Variants in LHFPL3 observed in about 807,000 individuals in gnomAD.
The protein encoded by LHFPL3 is LHFPL tetraspan subfamily member 3, also known as LHFPL tetraspan subfamily member 3 protein.
Under a neutral mutation model 19.3 loss-of-function variants are expected in LHFPL3, and 5 were observed. The observed-to-expected ratio is 0.26, with a 90% CI of 0.14 to 0.54. The LOEUF (loss-of-function observed/expected upper bound fraction) is 0.54, where lower values mean the gene tolerates loss of function less well. LHFPL3 is among the 20% of genes least tolerant of loss of function. LHFPL3 has a pLI of 0.94. For missense variants in LHFPL3, 249 were observed against 307.4 expected, an observed-to-expected ratio of 0.81 and a Z score of 1.42; for synonymous variants, 133 against 126.2, an observed-to-expected ratio of 1.05 and a Z score of -0.36.
chr7:104,495,397 T>G (rs1793443812), intron 1 of LHFPL3, among the ~76,000 whole-genome samples: 1 of 152,150 alleles, frequency 6.6e-6, no homozygotes, highest in Admixed American at 6.6e-5. Context: ...TTTTTTTTCT[T>G]TTTTGAGACG....
chr7:104,908,485 T>C lies in LHFPL3; in HGVS notation c.*2270T>C, dbSNP rs981217218. On this transcript the variant is annotated 3_prime_UTR_variant, in exon 3 of 3. Coordinates refer to ENST00000424859, the MANE Select transcript of LHFPL3 (RefSeq NM_199000.3). Reference sequence around the variant, plus strand: ...TGTAATTTTTTTAAGGTCCAAGAAATGTAAAGAAATTTGTTGGAATACCTG... The same window carrying C: ...TGTAATTTTTTTAAGGTCCAAGAAACGTAAAGAAATTTGTTGGAATACCTG... 1.6e-4 allele frequency among the ~76,000 whole-genome samples: 24 copies of C among 152,130 alleles called. No homozygotes were observed. The highest frequency in any genetic ancestry group is 5.6e-4 in the African/African-American group (23 of 41,432).
At chr7:104,338,210 T>C (rs1391023102) in intron 1 of LHFPL3, among the ~76,000 whole-genome samples, 2 of 146,140 alleles carry the variant, frequency 1.4e-5, no homozygotes, top group Non-Finnish European at 3.0e-5. Flanking sequence ...ACCATTCTCC[T>C]GCCTTAGCCT....
intron 2 of LHFPL3, among the ~76,000 whole-genome samples, chr7:104,869,500 T>A (rs1388177464): frequency 6.6e-6 from 1 of 152,102 alleles, no homozygotes; most frequent in Non-Finnish European, 1.5e-5. Flanking sequence ...ATGCTCATCA[T>A]CACTGGCCAT....
At chr7:104,393,732 T>G (rs1483992978) in intron 1 of LHFPL3, among the ~76,000 whole-genome samples, 1 of 151,874 alleles carries the variant, frequency 6.6e-6, no homozygotes, top group Non-Finnish European at 1.5e-5. Context: ...AGAAAAAAAA[T>G]CATATATTCA....
intron 1 of LHFPL3, among the ~76,000 whole-genome samples, chr7:104,605,783 C>T (rs2115722639): frequency 6.6e-6 from 1 of 151,298 alleles, no homozygotes; most frequent in East Asian, 1.9e-4. Context: ...GTTGATGCAA[C>T]TGCAGGAAAA....
chr7:104,508,328 A>T (rs1793741125), intron 1 of LHFPL3, among the ~76,000 whole-genome samples: 1 of 151,656 alleles, frequency 6.6e-6, no homozygotes, highest in Non-Finnish European at 1.5e-5. Context: ...ATGAAATTGG[A>T]AATCATCATT....
chr7:104,369,410 T>G (rs1174646084), intron 1 of LHFPL3, among the ~76,000 whole-genome samples: 4 of 152,262 alleles, frequency 2.6e-5, no homozygotes, highest in South Asian at 4.1e-4. Context: ...AGTTTGTTTC[T>G]TTTCATTACT....
At chr7:104,432,278 T>C (rs546781174) in intron 1 of LHFPL3, among the ~76,000 whole-genome samples, 5 of 152,176 alleles carry the variant, frequency 3.3e-5, no homozygotes, top group African/African-American at 1.2e-4. Context: ...AGGGTTGATT[T>C]TGGGGAAGGA....
intron 1 of LHFPL3, among the ~76,000 whole-genome samples, chr7:104,420,616 G>C (rs1055906667): frequency 7.2e-6 from 1 of 138,016 alleles, no homozygotes; most frequent in Non-Finnish European, 1.5e-5. Flanking sequence ...CTGGAGTGCA[G>C]TGGCGCGATC....
intron 2 of LHFPL3, among the ~76,000 whole-genome samples, chr7:104,867,138 T>C (rs1458362339): frequency 6.6e-6 from 1 of 152,082 alleles, no homozygotes; most frequent in African/African-American, 2.4e-5. Flanking sequence ...AGATCTAAAA[T>C]TGACACCCTA....
At chr7:104,829,578 G>GTGTT (rs1456177009) in intron 2 of LHFPL3, among the ~76,000 whole-genome samples, 1 of 151,698 alleles carries the variant, frequency 6.6e-6, no homozygotes, top group African/African-American at 2.4e-5. Context: ...AGAACATGTG[G>GTGTT]TGTTTGGTTT....
chr7:104,825,723 G>T (rs934090647), intron 2 of LHFPL3, among the ~76,000 whole-genome samples: 1 of 151,864 alleles, frequency 6.6e-6, no homozygotes, highest in Non-Finnish European at 1.5e-5. Flanking sequence ...CTTTATTTTT[G>T]CATGTGGCTT....
chr7:104,551,151 C>T (rs117399828), intron 1 of LHFPL3, among the ~76,000 whole-genome samples: 3,207 of 151,970 alleles, frequency 0.021, 33 homozygotes, highest in Middle Eastern at 0.051. Flanking sequence ...TTCATGTTTG[C>T]GAGCATTTTA....
At chr7:104,525,604 G>T (rs944150334) in intron 1 of LHFPL3, among the ~76,000 whole-genome samples, 3 of 119,860 alleles carry the variant, frequency 2.5e-5, no homozygotes, top group Non-Finnish European at 5.1e-5. Flanking sequence ...TTTGTTTTTT[G>T]GGTTTTTTTT....
At chr7:104,584,065 C>A (rs1053907660) in intron 1 of LHFPL3, among the ~76,000 whole-genome samples, 1 of 152,060 alleles carries the variant, frequency 6.6e-6, no homozygotes, top group Non-Finnish European at 1.5e-5. Context: ...ACCCAAATGT[C>A]CAACAATGAT....
chr7:104,675,255 C>T (rs985485872), intron 1 of LHFPL3, among the ~76,000 whole-genome samples: 1 of 152,202 alleles, frequency 6.6e-6, no homozygotes, highest in African/African-American at 2.4e-5. Context: ...GGTGCAAATG[C>T]CTTTAGGCAG....
chr7:104,545,279 G>A (rs562765711), intron 1 of LHFPL3, among the ~76,000 whole-genome samples: 1 of 152,226 alleles, frequency 6.6e-6, no homozygotes, highest in Admixed American at 6.5e-5. Context: ...CTCACCATAT[G>A]GCATCAGCCC....
chr7:104,841,844 T>C (rs1027933668), intron 2 of LHFPL3, among the ~76,000 whole-genome samples: 14 of 152,150 alleles, frequency 9.2e-5, no homozygotes, highest in Admixed American at 5.2e-4. Flanking sequence ...ATTGATGTGG[T>C]CCTCATTGCC....
intron 1 of LHFPL3, among the ~76,000 whole-genome samples, chr7:104,356,584 G>GA (rs1790280807): frequency 6.6e-6 from 1 of 152,048 alleles, no homozygotes; most frequent in East Asian, 1.9e-4. Flanking sequence ...CAGAACAAAT[G>GA]AAAAAAAGAA....
Sources: allele counts gnomAD v4.1 joint callset (sites outside exome capture counted in the v4.1 genomes callset), GRCh38; gene constraint gnomAD v4.1.1; transcripts MANE v1.5; gene names NCBI Gene and HGNC (gene_info 2026-07-23, HGNC 2026-07-21).